The following NUMB variants were observed in gnomAD, a reference collection of about 807,000 sequenced individuals.
NUMB encodes the protein protein numb homolog.
NUMB carries 29 observed loss-of-function variants against 59.7 expected under a neutral mutation model. The ratio of observed to expected loss-of-function variants is 0.49; its 90% CI spans 0.36 to 0.66. NUMB has a LOEUF of 0.66. NUMB is among the 30% of genes least tolerant of loss of function. The probability of loss-of-function intolerance (pLI) is 0.00; values close to 1 mark genes in which losing one functional copy is unlikely to be tolerated. For missense variants in NUMB, 723 were observed against 822.0 expected (o/e 0.88, Z 1.47); for synonymous variants, 288 against 288.2 (o/e 1.00, Z 0.01).
At chr14:73,349,958 G>C (rs1893130906) in intron 4 of NUMB, among the ~76,000 whole-genome samples, 1 of 152,006 alleles carries the variant, frequency 6.6e-6, no homozygotes, top group Admixed American at 6.6e-5. Flanking sequence ...GAGAGGTTGA[G>C]GCACAAGAAT....
chr14:73,440,052 C>A (rs1167528308), intron 1 of NUMB, among the ~76,000 whole-genome samples: 1 of 151,858 alleles, frequency 6.6e-6, no homozygotes, highest in Non-Finnish European at 1.5e-5. Context: ...ATACAATGAC[C>A]CCAACTGCCA....
Position 73,440,964 on chromosome 14 carries a change from T to C in NUMB, c.-233+17529A>G, listed in dbSNP as rs371634487. Among the ~76,000 whole-genome samples the C allele has an allele frequency of 1.5e-4, 23 of 151,154 alleles. No homozygotes were observed. In the East Asian group the frequency reaches 2.9e-3, roughly 19 times the overall value. On this transcript the variant is annotated intron_variant, in intron 1 of 12. Coordinates refer to ENST00000555238, the MANE Select transcript of NUMB (RefSeq NM_001005743.2). ...AAGAAAAAAAAAAAAAGCTGGACTTTATTAAAATGAAAAAACTTTTGTGCT... is the reference window on the plus strand; with the variant it reads ...AAGAAAAAAAAAAAAAGCTGGACTTCATTAAAATGAAAAAACTTTTGTGCT...
At chr14:73,432,343 A>G (rs1335570861) in intron 1 of NUMB, among the ~76,000 whole-genome samples, 1 of 152,120 alleles carries the variant, frequency 6.6e-6, no homozygotes, top group Non-Finnish European at 1.5e-5. Context: ...GGCAAATAAC[A>G]CAAGAACAGG....
rs187343873 is a variant in NUMB at position 73,431,544 on chromosome 14, C to T, written c.-232-21476G>A. Among the ~76,000 whole-genome samples, 603 of 151,520 alleles carry T rather than the reference C, an allele frequency of 4.0e-3. 2 individuals carry two copies. Among genetic ancestry groups the T allele is most frequent in the African/African-American group, 0.014 (581 of 41,400 alleles). On this transcript the variant is annotated intron_variant, in intron 1 of 12. Transcript: ENST00000555238. ...GGTGGATCACTTGAGGTCAGGAGTTCGAGATCAGCCTGGCCAACATGGTGA... is the reference window on the plus strand; with the variant it reads ...GGTGGATCACTTGAGGTCAGGAGTTTGAGATCAGCCTGGCCAACATGGTGA...
intron 4 of NUMB, among the ~76,000 whole-genome samples, chr14:73,323,704 A>T (rs148523366): frequency 1.8e-4 from 28 of 152,340 alleles, no homozygotes; most frequent in Admixed American, 8.5e-4. Flanking sequence ...CATTCCTTTT[A>T]TGGGGAGCAT....
intron 3 of NUMB, among the ~76,000 whole-genome samples, chr14:73,361,592 T>C (rs1473191673): frequency 6.6e-6 from 1 of 152,172 alleles, no homozygotes. Flanking sequence ...TAGTTATCTT[T>C]TCTGCTCCTC....
intron 2 of NUMB, among the ~76,000 whole-genome samples, chr14:73,394,193 G>T (rs765990683): frequency 6.6e-6 from 1 of 152,258 alleles, no homozygotes; most frequent in Non-Finnish European, 1.5e-5. Context: ...GACCTCAGGT[G>T]ATCAACCCAC....
intron 2 of NUMB, chr14:73,409,005 T>C (rs2140131100): frequency 6.6e-6 from 1 of 152,294 alleles, no homozygotes. Flanking sequence ...CTTATTGAAC[T>C]CATACACCAT....
intron 2 of NUMB, among the ~76,000 whole-genome samples, chr14:73,367,348 T>TAGAGAGAGAGAGAGAGAGAGAGAGAG (rs71112740): frequency 9.5e-6 from 1 of 105,328 alleles, no homozygotes; most frequent in Non-Finnish European, 1.7e-5. Flanking sequence ...TATATATATA[T>TAGAGAGAGAGAGAGAGAGAGAGAGAG]AGAGAGAGAG....
intron 6 of NUMB, among the ~76,000 whole-genome samples, chr14:73,315,240 A>G (rs528158614): frequency 6.6e-6 from 1 of 152,318 alleles, no homozygotes; most frequent in Admixed American, 6.5e-5. Flanking sequence ...ACAAAGTTCC[A>G]AAATGACAAA....
intron 4 of NUMB, among the ~76,000 whole-genome samples, chr14:73,347,935 T>C (rs1893001739): frequency 6.6e-6 from 1 of 152,210 alleles, no homozygotes; most frequent in Admixed American, 6.5e-5. Context: ...TAAAATACAT[T>C]TGTAACCCCC....
At chr14:73,450,623 T>G (rs1214944643) in intron 1 of NUMB, among the ~76,000 whole-genome samples, 4 of 151,044 alleles carry the variant, frequency 2.6e-5, no homozygotes, top group Non-Finnish European at 3.0e-5. Context: ...GGCGGAACCC[T>G]GTTTCTACTA....
chr14:73,443,974 C>A (rs996329238), intron 1 of NUMB, among the ~76,000 whole-genome samples: 1 of 152,046 alleles, frequency 6.6e-6, no homozygotes, highest in African/African-American at 2.4e-5. Flanking sequence ...GTGGCGCAAT[C>A]TCGGCTCACT....
intron 1 of NUMB, among the ~76,000 whole-genome samples, chr14:73,450,691 A>G (rs529756418): frequency 2.0e-5 from 3 of 152,292 alleles, no homozygotes; most frequent in Admixed American, 6.5e-5. Flanking sequence ...GCTACTCGGA[A>G]GGCAGGATAA....
intron 1 of NUMB, among the ~76,000 whole-genome samples, chr14:73,435,355 G>C (rs1043234668): frequency 2.8e-5 from 4 of 145,088 alleles, no homozygotes; most frequent in African/African-American, 1.0e-4. Context: ...CTCACTACAA[G>C]CTCCACCTCC....
intron 1 of NUMB, among the ~76,000 whole-genome samples, chr14:73,411,727 C>G (rs1481867156): frequency 6.6e-6 from 1 of 151,988 alleles, no homozygotes; most frequent in South Asian, 2.1e-4. Context: ...TCTATTTTTA[C>G]AGAAATTAAA....
At chr14:73,367,348 T>TATATATATATATATAG (rs1555375287) in intron 2 of NUMB, among the ~76,000 whole-genome samples, 2 of 105,328 alleles carry the variant, frequency 1.9e-5, no homozygotes, top group East Asian at 5.0e-4. Context: ...TATATATATA[T>TATATATATATATATAG]AGAGAGAGAG....
At chr14:73,294,801 G>T (rs994428417) in intron 7 of NUMB, among the ~76,000 whole-genome samples, 2 of 18,406 alleles carry the variant, frequency 1.1e-4, no homozygotes, top group Non-Finnish European at 1.2e-4. Flanking sequence ...TTACAGGTGT[G>T]AGCCACCACG....
chr14:73,275,657 CATT>C lies in NUMB; in HGVS notation c.*918_*920del, dbSNP rs1412118289. 6.6e-6 allele frequency: 1 copy of C among 152,102 alleles called. No individual in the cohort carries two copies. Among genetic ancestry groups the C allele is most frequent in the Non-Finnish European group, 1.5e-5 (1 of 68,010 alleles). The allele number at this position is 152,102 out of a possible 1,614,324, so 9.4% of individuals were successfully genotyped here. On this transcript the variant is annotated 3_prime_UTR_variant, in exon 13 of 13. Coordinates refer to ENST00000555238, the MANE Select transcript of NUMB (RefSeq NM_001005743.2). ...TCGATTGATTCCATTAAAATAATGA[CATT>C]AGAATTCCATCATAGGTTTAAAACC...
Sources: gnomAD v4.1 joint callset for allele counts (sites outside exome capture counted in the v4.1 genomes callset) on GRCh38, gnomAD v4.1.1 for gene constraint, MANE v1.5 for transcripts, NCBI Gene and HGNC (gene_info 2026-07-23, HGNC 2026-07-21) for gene names.